LARGE1: variants seen among roughly 807,000 people sequenced by gnomAD.
The protein encoded by LARGE1 is LARGE xylosyl- and glucuronyltransferase 1.
LARGE1 carries 43 observed loss-of-function variants against 87.6 expected under a neutral mutation model. That is an observed-to-expected ratio of 0.49 (90% CI 0.38 to 0.63). The LOEUF (loss-of-function observed/expected upper bound fraction) is 0.63, where lower values mean the gene tolerates loss of function less well. LARGE1 is among the 30% of genes least tolerant of loss of function. The pLI, the probability that LARGE1 is intolerant of heterozygous loss-of-function variation, is 0.00. For synonymous variants in LARGE1, 434 were observed against 394.6 expected, an observed-to-expected ratio of 1.10 and a Z score of -1.18; for missense variants, 802 against 1,000.2, an observed-to-expected ratio of 0.80 and a Z score of 2.67.
At chr22:33,115,207 G>A in the LARGE1 span, among the ~76,000 whole-genome samples, 1 of 152,116 alleles carries the variant, frequency 6.6e-6, no homozygotes, top group Non-Finnish European at 1.5e-5. Context: ...GGCCTTTAAA[G>A]CGCTCAAAAA....
chr22:33,324,487 G>C (rs1937071081), intron 10 of LARGE1, among the ~76,000 whole-genome samples: 2 of 152,058 alleles, frequency 1.3e-5, no homozygotes, highest in South Asian at 4.2e-4. Flanking sequence ...GGGAGGCACA[G>C]AAACAAAAGA....
chr22:33,176,427 G>GA (rs1443794875), intron 11 of LARGE1, among the ~76,000 whole-genome samples: 4 of 151,992 alleles, frequency 2.6e-5, no homozygotes, highest in African/African-American at 7.2e-5. Context: ...CTAATATCCA[G>GA]AATCTGCAAA....
intron 1 of LARGE1, among the ~76,000 whole-genome samples, chr22:33,838,035 C>A (rs1427109133): frequency 6.6e-6 from 1 of 152,204 alleles, no homozygotes; most frequent in African/African-American, 2.4e-5. Context: ...AGGAAACAGG[C>A]ATGGTTGTGT....
chr22:33,352,589 A>C (rs1940493847), intron 9 of LARGE1, among the ~76,000 whole-genome samples: 1 of 150,964 alleles, frequency 6.6e-6, no homozygotes, highest in Non-Finnish European at 1.5e-5. Flanking sequence ...CCCCATCTCT[A>C]CTTAAAAAAA....
At position 33,603,569 on chromosome 22, in the gene LARGE1, G is replaced by C. The variant is rs149096911; in HGVS notation, c.615+866C>G. Among the ~76,000 whole-genome samples the C allele has an allele frequency of 8.3e-4, 126 of 152,298 alleles. 1 individual carries two copies. Among genetic ancestry groups the C allele is most frequent in the African/African-American group, 2.9e-3 (119 of 41,558 alleles). On this transcript the variant is annotated intron_variant, in intron 5 of 14. Coordinates refer to ENST00000397394, the MANE Select transcript of LARGE1 (RefSeq NM_133642.5). Reference sequence around the variant, plus strand: ...GGAGTTGGCACTGCAGCTGAGTCCTGAAGTACGAACAGGAGTTGTGGCAAG... The same window carrying C: ...GGAGTTGGCACTGCAGCTGAGTCCTCAAGTACGAACAGGAGTTGTGGCAAG...
intron 6 of LARGE1, among the ~76,000 whole-genome samples, chr22:33,433,398 C>T (rs1394571853): frequency 6.6e-6 from 1 of 152,014 alleles, no homozygotes; most frequent in Non-Finnish European, 1.5e-5. Flanking sequence ...AGATGGAGAC[C>T]ATCCTGGCTA....
the LARGE1 span, among the ~76,000 whole-genome samples, chr22:33,154,532 G>A: frequency 0.42 from 64,106 of 151,906 alleles, 13,960 homozygotes; most frequent in South Asian, 0.68. Context: ...GAGCCACTGC[G>A]CCCAGCCAGG....
At chr22:33,387,751 C>T (rs1412094724) in intron 7 of LARGE1, among the ~76,000 whole-genome samples, 1 of 152,192 alleles carries the variant, frequency 6.6e-6, no homozygotes, top group Admixed American at 6.5e-5. Flanking sequence ...ATCATCCTCC[C>T]TGTTAGCCAG....
At chr22:33,104,891 C>CTT in the LARGE1 span, among the ~76,000 whole-genome samples, 9 of 45,848 alleles carry the variant, frequency 2.0e-4, no homozygotes, top group Admixed American at 1.9e-3. Context: ...CTTTCTCTCT[C>CTT]TTTCTTTCTT....
chr22:33,293,444 G>T (rs1932871183), intron 12 of LARGE1, among the ~76,000 whole-genome samples: 1 of 152,168 alleles, frequency 6.6e-6, no homozygotes, highest in Non-Finnish European at 1.5e-5. Context: ...ATCATATAAT[G>T]ATATTAATGA....
chr22:33,376,157 C>T (rs928080173), intron 9 of LARGE1, among the ~76,000 whole-genome samples: 3 of 151,868 alleles, frequency 2.0e-5, no homozygotes, highest in Admixed American at 1.3e-4. Flanking sequence ...AGAACCATAA[C>T]AAAATAGAAA....
intron 7 of LARGE1, among the ~76,000 whole-genome samples, chr22:33,395,730 A>T: frequency 6.6e-6 from 1 of 152,196 alleles, no homozygotes; most frequent in Non-Finnish European, 1.5e-5. Context: ...GGTTCAGAGG[A>T]AGTTTCAGAT....
At chr22:33,352,571 C>T (rs575209806) in intron 9 of LARGE1, among the ~76,000 whole-genome samples, 27 of 151,792 alleles carry the variant, frequency 1.8e-4, no homozygotes, top group Middle Eastern at 6.8e-3. Context: ...CTGGCCAACA[C>T]GGTGAAACCC....
chr22:33,831,450 G>T (rs924192919), intron 1 of LARGE1, among the ~76,000 whole-genome samples: 7 of 152,110 alleles, frequency 4.6e-5, no homozygotes, highest in Non-Finnish European at 1.0e-4. Context: ...AGGTGAGAGG[G>T]CGGGGAGCCC....
intron 6 of LARGE1, among the ~76,000 whole-genome samples, chr22:33,505,880 T>G (rs1424252646): frequency 2.0e-5 from 3 of 152,220 alleles, no homozygotes; most frequent in Admixed American, 2.0e-4. Context: ...CTGACAACTT[T>G]GCTCTCAGAA....
chr22:33,145,261 G>T, the LARGE1 span, among the ~76,000 whole-genome samples: 1 of 152,112 alleles, frequency 6.6e-6, no homozygotes, highest in Non-Finnish European at 1.5e-5. Flanking sequence ...ATTGAGATAT[G>T]CCCACCCCTA....
chr22:33,354,834 C>T (rs1233426071), intron 9 of LARGE1, among the ~76,000 whole-genome samples: 1 of 152,110 alleles, frequency 6.6e-6, no homozygotes, highest in Non-Finnish European at 1.5e-5. Context: ...GCCCTTAAAA[C>T]TAAGACTATG....
chr22:33,226,832 C>T (rs1925762260), intron 11 of LARGE1, among the ~76,000 whole-genome samples: 2 of 152,142 alleles, frequency 1.3e-5, no homozygotes, highest in South Asian at 4.1e-4. Flanking sequence ...CAGGTTCACG[C>T]CATTCTCCTG....
intron 2 of LARGE1, among the ~76,000 whole-genome samples, chr22:33,714,971 G>A (rs891902514): frequency 1.1e-4 from 16 of 152,202 alleles, no homozygotes; most frequent in African/African-American, 3.9e-4. Context: ...TTGGCAAGAG[G>A]TGGAAAGAAA....
Sources: allele counts gnomAD v4.1 joint callset (sites outside exome capture counted in the v4.1 genomes callset), GRCh38; gene constraint gnomAD v4.1.1; transcripts MANE v1.5; gene names NCBI Gene and HGNC (gene_info 2026-07-23, HGNC 2026-07-21).